ADAMTSL1: variants seen among roughly 807,000 people sequenced by gnomAD.
ADAMTSL1 encodes the protein ADAMTS-like protein 1.
Under a neutral mutation model 201.8 loss-of-function variants are expected in ADAMTSL1, and 126 were observed. The ratio of observed to expected loss-of-function variants is 0.62; its 90% CI spans 0.54 to 0.72. The LOEUF is 0.72. ADAMTSL1 is among the 30% of genes least tolerant of loss of function. The pLI is 0.00. For synonymous variants in ADAMTSL1, 1,121 were observed against 903.4 expected (o/e 1.24, Z -4.32); for missense variants, 2,679 against 2,277.8 (o/e 1.18, Z -3.59).
At chr9:18,244,530 A>G (rs544898342) in intron 2 of ADAMTSL1, among the ~76,000 whole-genome samples, 3 of 151,914 alleles carry the variant, frequency 2.0e-5, no homozygotes, top group African/African-American at 7.2e-5. Flanking sequence ...CTTCCCAAAC[A>G]TTCTTGTCCT....
At chr9:18,708,986 T>C (rs1832391152) in intron 14 of ADAMTSL1, among the ~76,000 whole-genome samples, 1 of 152,246 alleles carries the variant, frequency 6.6e-6, no homozygotes, top group Non-Finnish European at 1.5e-5. Flanking sequence ...ATGTTTGAGA[T>C]ACAATTGATC....
At chr9:18,356,988 G>A (rs1446609496) in intron 2 of ADAMTSL1, among the ~76,000 whole-genome samples, 1 of 152,080 alleles carries the variant, frequency 6.6e-6, no homozygotes, top group African/African-American at 2.4e-5. Context: ...ATGTGTACAT[G>A]GAATCCTTTG....
intron 15 of ADAMTSL1, 94 bp from the exon 16 acceptor site, chr9:18,753,204 C>A: frequency 7.9e-7 from 1 of 1,269,980 alleles, no homozygotes. Flanking sequence ...TCCCACTTTC[C>A]CAGTTAGGGG....
intron 1 of ADAMTSL1, among the ~76,000 whole-genome samples, chr9:18,034,824 T>C (rs189453293): frequency 6.6e-6 from 1 of 152,332 alleles, no homozygotes; most frequent in Admixed American, 6.5e-5. Flanking sequence ...AAACTTTTAG[T>C]CTTATTTTTA....
intron 1 of ADAMTSL1, among the ~76,000 whole-genome samples, chr9:18,006,013 C>T (rs1182121031): frequency 6.6e-6 from 1 of 151,568 alleles, no homozygotes; most frequent in Non-Finnish European, 1.5e-5. Flanking sequence ...GTGTAAACTA[C>T]ACAATGGTAA....
intron 1 of ADAMTSL1, among the ~76,000 whole-genome samples, chr9:17,940,728 G>GAA (rs201856497): frequency 8.6e-4 from 68 of 79,468 alleles, no homozygotes; most frequent in African/African-American, 3.1e-3. Flanking sequence ...AAAAAAAAAA[G>GAA]AAAAAAAAGA....
chr9:18,647,221 A>T (rs1360124020), intron 7 of ADAMTSL1, among the ~76,000 whole-genome samples: 1 of 151,956 alleles, frequency 6.6e-6, no homozygotes, highest in African/African-American at 2.4e-5. Flanking sequence ...TTTCTGTGGG[A>T]TCGGTGGTGA....
chr9:18,660,425 T>A (rs1174960386), intron 8 of ADAMTSL1, among the ~76,000 whole-genome samples: 1 of 152,196 alleles, frequency 6.6e-6, no homozygotes, highest in Non-Finnish European at 1.5e-5. Context: ...TTTTGGTCAT[T>A]TCCTTCATTT....
At chr9:18,317,428 A>T (rs1834450106) in intron 2 of ADAMTSL1, among the ~76,000 whole-genome samples, 1 of 151,602 alleles carries the variant, frequency 6.6e-6, no homozygotes, top group Admixed American at 6.6e-5. Flanking sequence ...ACACACGTAC[A>T]TGAGCAAATT....
intron 2 of ADAMTSL1, among the ~76,000 whole-genome samples, chr9:18,365,615 A>G (rs546469313): frequency 1.6e-4 from 24 of 152,298 alleles, no homozygotes; most frequent in African/African-American, 5.5e-4. Context: ...AAGAGGAACA[A>G]GAGCAGTTTT....
At chr9:18,327,203 C>G (rs1420435831) in intron 2 of ADAMTSL1, among the ~76,000 whole-genome samples, 2 of 152,128 alleles carry the variant, frequency 1.3e-5, no homozygotes, top group African/African-American at 2.4e-5. Flanking sequence ...TGGGCAGAAA[C>G]CTTTGCTGTT....
At chr9:18,135,186 G>T (rs1469853129) in intron 1 of ADAMTSL1, among the ~76,000 whole-genome samples, 1 of 152,094 alleles carries the variant, frequency 6.6e-6, no homozygotes, top group Non-Finnish European at 1.5e-5. Flanking sequence ...TGTGGAATCT[G>T]CTCTAGTTAA....
At chr9:18,116,796 A>T (rs1315745453) in intron 1 of ADAMTSL1, among the ~76,000 whole-genome samples, 1 of 152,210 alleles carries the variant, frequency 6.6e-6, no homozygotes, top group African/African-American at 2.4e-5. Context: ...TACATGTGCC[A>T]TGTTGGTGTG....
In ADAMTSL1 at chr9:17,969,698, A is replaced by G. The variant is rs561091470; in HGVS notation, c.87+62776A>G. Among the ~76,000 whole-genome samples, 6 of 152,218 alleles carry G rather than the reference A, an allele frequency of 3.9e-5. No homozygotes were observed. In the South Asian group the frequency reaches 6.2e-4, roughly 16 times the overall value. On this transcript the variant is annotated intron_variant, in intron 1 of 29. Coordinates refer to the ADAMTSL1 transcript ENST00000680146. ...TAGATTAAACACATGTCTAATCTAT[A>G]CATTAAGTTATTTTTAGAAAGTGTT...
chr9:18,827,674 A>G (rs1030292412), intron 22 of ADAMTSL1, among the ~76,000 whole-genome samples: 4 of 152,350 alleles, frequency 2.6e-5, no homozygotes, highest in South Asian at 2.1e-4. Context: ...TGTCTCTGCT[A>G]ACACAGATGA....
chr9:18,078,658 C>T (rs1279866243), intron 1 of ADAMTSL1, among the ~76,000 whole-genome samples: 7 of 151,014 alleles, frequency 4.6e-5, no homozygotes, highest in Admixed American at 3.9e-4. Flanking sequence ...CTAGACTTCT[C>T]TTCTAAGCCC....
chr9:18,558,442 C>G (rs908145375), intron 3 of ADAMTSL1, among the ~76,000 whole-genome samples: 1 of 152,136 alleles, frequency 6.6e-6, no homozygotes, highest in Admixed American at 6.6e-5. Flanking sequence ...CAAGTCTCTG[C>G]TCTTGTGAAC....
chr9:17,963,260 G>A (rs964330973), intron 1 of ADAMTSL1, among the ~76,000 whole-genome samples: 1 of 152,076 alleles, frequency 6.6e-6, no homozygotes, highest in African/African-American at 2.4e-5. Flanking sequence ...TATAGTTAAT[G>A]TTTTGCTATG....
At chr9:18,222,325 C>T (rs548718681) in intron 2 of ADAMTSL1, among the ~76,000 whole-genome samples, 1 of 151,688 alleles carries the variant, frequency 6.6e-6, no homozygotes, top group Admixed American at 6.6e-5. Context: ...TCTATTTTAT[C>T]TGTTACTTTT....
Sources: gnomAD v4.1 joint callset for allele counts (sites outside exome capture counted in the v4.1 genomes callset) on GRCh38, gnomAD v4.1.1 for gene constraint, MANE v1.5 for transcripts, NCBI Gene and HGNC (gene_info 2026-07-23, HGNC 2026-07-21) for gene names.